Variants in USP48 observed in about 807,000 individuals in gnomAD.
USP48 encodes the protein ubiquitin carboxyl-terminal hydrolase 48.
A neutral mutation model predicts 150.7 loss-of-function variants in USP48; 43 were observed. That is an observed-to-expected ratio of 0.29 (90% CI 0.22 to 0.37). The LOEUF (loss-of-function observed/expected upper bound fraction) is 0.37. USP48 is among the 10% of genes least tolerant of loss of function. USP48 has a pLI of 1.00. For synonymous variants in USP48, 396 were observed against 425.9 expected, an observed-to-expected ratio of 0.93 and a Z score of 0.86; for missense variants, 813 against 1,249.6, an observed-to-expected ratio of 0.65 and a Z score of 5.27.
intron 25 of USP48, chr1:21,681,170 A>G (rs1485760675): frequency 5.2e-6 from 1 of 192,384 alleles, no homozygotes; most frequent in Non-Finnish European, 1.0e-5. Flanking sequence ...TCCTCCTCCC[A>G]TTCCCAAGTT....
At chr1:21,713,456 G>A (rs1050771941) in intron 15 of USP48, among the ~76,000 whole-genome samples, 1 of 152,152 alleles carries the variant, frequency 6.6e-6, no homozygotes, top group Non-Finnish European at 1.5e-5. Flanking sequence ...TATGTGTCCT[G>A]AAGCAACATT....
At position 21,723,902 on chromosome 1, in the gene USP48, T is replaced by G; in HGVS notation, c.1644A>C (p.Leu548=). The G allele has an allele frequency of 1.2e-6, 2 of 1,611,388 alleles. No homozygotes were observed. Among genetic ancestry groups the G allele is most frequent in the Non-Finnish European group, 1.7e-6 (2 of 1,177,872 alleles). The part of the protein sequence containing the change: ...FYSRYGGGPR[L]TVKALCKECV... Reference sequence around the variant, plus strand: ...AGAGAGGACATCTTGAATTACCAGTTAGTCTTGGACCTCCTCCATATCTAC... The same window carrying G: ...AGAGAGGACATCTTGAATTACCAGTGAGTCTTGGACCTCCTCCATATCTAC... The change falls in exon 12 of 27, where the codon CTA becomes CTC. Residue 548 remains leucine, a synonymous_variant. Coordinates refer to ENST00000308271, the MANE Select transcript of USP48 (RefSeq NM_032236.8).
At chr1:21,755,908 G>A (rs1365080442) in intron 3 of USP48, among the ~76,000 whole-genome samples, 1 of 152,154 alleles carries the variant, frequency 6.6e-6, no homozygotes, top group African/African-American at 2.4e-5. Context: ...GCTCACACCT[G>A]TAATCCCAGC....
intron 1 of USP48, among the ~76,000 whole-genome samples, chr1:21,767,272 T>G (rs1310152410): frequency 6.6e-6 from 1 of 151,772 alleles, no homozygotes; most frequent in Non-Finnish European, 1.5e-5. Flanking sequence ...GGGCTAGAAT[T>G]CCTTGACTCA....
rs1215749434 is a variant in USP48 at position 21,701,578 on chromosome 1, G to A, written c.2647C>T (p.Leu883=). 1 of 1,613,784 alleles carries A rather than the reference G, an allele frequency of 6.2e-7. No homozygotes were observed. Among genetic ancestry groups the A allele is most frequent in the African/African-American group, 1.3e-5 (1 of 74,998 alleles). The change falls in exon 22 of 27, where the codon CTG becomes TTG. Residue 883 remains leucine (L), a synonymous_variant. Transcript: ENST00000308271. The part of the protein sequence containing the change: ...KKVMKDSAPE[L]NVSSSETEED... Reference sequence around the variant, plus strand: ...TCTGTTTCAGAACTACTCACATTCAGTTCCGGAGCCGAATCCTTCATCACC... The same window carrying A: ...TCTGTTTCAGAACTACTCACATTCAATTCCGGAGCCGAATCCTTCATCACC...
In USP48 at chr1:21,741,136, A is replaced by T. The variant is rs531197779; in HGVS notation, c.992-4511T>A. On this transcript the variant is annotated intron_variant, in intron 8 of 26. Coordinates refer to ENST00000308271, the MANE Select transcript of USP48 (RefSeq NM_032236.8). ...AGAATAATAAATCAATTAAAAATCAAACCAAGTGTTACAGCTCTTTTAGAA... is the reference window on the plus strand; with the variant it reads ...AGAATAATAAATCAATTAAAAATCATACCAAGTGTTACAGCTCTTTTAGAA... Among the ~76,000 whole-genome samples, 3 of 152,380 alleles carry T rather than the reference A, an allele frequency of 2.0e-5. No individual in the cohort carries two copies. The South Asian group carries it at 6.2e-4, about 32-fold the overall frequency.
Position 21,701,588 on chromosome 1 carries a change from C to G in USP48, c.2637G>C (p.Ser879=). 6.2e-7 allele frequency: 1 copy of G among 1,613,658 alleles called. No homozygotes were observed. The highest frequency in any genetic ancestry group is 8.5e-7 in the Non-Finnish European group (1 of 1,179,744). ...VVDNKKVMKD[S]APELNVSSSE... ...AACTACTCACATTCAGTTCCGGAGC[C>G]GAATCCTTCATCACCTGAATGTGCC... The change falls in exon 22 of 27, where the codon TCG becomes TCC. Residue 879 remains serine (S), a synonymous_variant. Transcript: ENST00000308271.
intron 9 of USP48, among the ~76,000 whole-genome samples, chr1:21,734,431 A>G (rs116512671): frequency 1.4e-3 from 220 of 152,256 alleles, no homozygotes; most frequent in African/African-American, 5.2e-3. Flanking sequence ...AAAGAAAATA[A>G]AATTTAAAAG....
At chr1:21,705,860 A>G in intron 18 of USP48, 23 bp from the exon 19 acceptor site, 1 of 1,540,942 alleles carries the variant, frequency 6.5e-7, no homozygotes, top group Non-Finnish European at 8.8e-7. Context: ...GACAAGGAGG[A>G]GAAATATACC....
At chr1:21,688,429 C>G (rs900662405) in intron 24 of USP48, among the ~76,000 whole-genome samples, 5 of 151,812 alleles carry the variant, frequency 3.3e-5, no homozygotes, top group African/African-American at 9.7e-5. Context: ...CCATGCTGGC[C>G]ACGCTGGTCT....
rs116841662 is a variant in USP48, at chr1:21,745,762, T to C, written c.991+1305A>G. 2.0e-3 allele frequency among the ~76,000 whole-genome samples: 301 copies of C among 152,314 alleles called. 3 individuals are homozygous for C. In the East Asian group the frequency reaches 0.038, roughly 19 times the overall value. ...CCAGTCAAGTCAAGCAAAGTGCTCA[T>C]TTCACATCTCCTAAGTTTCTGGACT... On this transcript the variant is annotated intron_variant, in intron 8 of 26. Transcript: ENST00000308271.
chr1:21,722,540 G>C (rs1351824447), intron 12 of USP48, among the ~76,000 whole-genome samples: 1 of 139,472 alleles, frequency 7.2e-6, no homozygotes, highest in Non-Finnish European at 1.5e-5. Flanking sequence ...CTCTGTCTCA[G>C]AGAAAAAAAA....
rs762880353 is a variant in USP48, at chr1:21,715,383, G to T, written c.1963+6C>A. ...AAAACAGAATTCATTTATGCTTCTA[G>T]CTTACCATGTGGACACAGAATATCT... On this transcript the variant is annotated splice_donor_region_variant and intron_variant, in intron 15 of 26. Coordinates refer to ENST00000308271, the MANE Select transcript of USP48 (RefSeq NM_032236.8). 1.3e-6 allele frequency: 2 copies of T among 1,584,768 alleles called. No individual in the cohort carries two copies. The highest frequency in any genetic ancestry group is 1.3e-5 in the African/African-American group (1 of 74,122).
At chr1:21,756,031 G>A (rs1359528521) in intron 3 of USP48, among the ~76,000 whole-genome samples, 1 of 152,002 alleles carries the variant, frequency 6.6e-6, no homozygotes, top group Admixed American at 6.6e-5. Context: ...CGGGCGTGGT[G>A]GTGCACGCCT....
At chr1:21,711,758 A>G (rs369925820) in intron 15 of USP48, among the ~76,000 whole-genome samples, 1 of 152,210 alleles carries the variant, frequency 6.6e-6, no homozygotes, top group Non-Finnish European at 1.5e-5. Context: ...AGTGCCTAGC[A>G]TAATAAATGA....
intron 14 of USP48, among the ~76,000 whole-genome samples, chr1:21,718,997 T>G (rs575181682): frequency 6.6e-6 from 1 of 152,126 alleles, no homozygotes; most frequent in Non-Finnish European, 1.5e-5. Context: ...CTGGGTGCAG[T>G]AGCTCACACC....
intron 1 of USP48, among the ~76,000 whole-genome samples, chr1:21,757,994 C>T (rs1162593873): frequency 6.6e-6 from 1 of 152,050 alleles, no homozygotes; most frequent in East Asian, 1.9e-4. Context: ...TAGACAACTA[C>T]CTTTAGACCT....
chr1:21,783,145 G>T lies in USP48; in HGVS notation c.-188C>A. ...CGCCCGCGCCCGACCCGCACGACCGGCCGCAAAGCGCCGCCGTCGACACCC... is the reference window on the plus strand; with the variant it reads ...CGCCCGCGCCCGACCCGCACGACCGTCCGCAAAGCGCCGCCGTCGACACCC... On this transcript the variant is annotated 5_prime_UTR_variant, in exon 1 of 27. Transcript: ENST00000308271. 2 of 835,664 alleles carry T rather than the reference G, an allele frequency of 2.4e-6. No homozygotes were observed. The highest frequency in any genetic ancestry group is 3.3e-6 in the Non-Finnish European group (2 of 604,316). 51.8% of individuals were successfully genotyped at this position (835,664 alleles called of 1,614,324 possible).
intron 13 of USP48, 91 bp downstream of exon 13, chr1:21,721,559 C>G: frequency 1.1e-6 from 1 of 901,438 alleles, no homozygotes; most frequent in South Asian, 2.6e-5. Flanking sequence ...AAAATCCCAA[C>G]TTCCTATTTT....
Sources: gnomAD v4.1 joint callset for allele counts (sites outside exome capture counted in the v4.1 genomes callset) on GRCh38, gnomAD v4.1.1 for gene constraint, MANE v1.5 for transcripts, NCBI Gene and HGNC (gene_info 2026-07-23, HGNC 2026-07-21) for gene names.